Variants in LDB2 observed in about 807,000 individuals in gnomAD.
LDB2 encodes the protein LIM domain binding 2, also known as LIM domain-binding protein 2.
Under a neutral mutation model 44.3 loss-of-function variants are expected in LDB2, and 12 were observed. The observed-to-expected ratio is 0.27, with a 90% CI of 0.17 to 0.44. LDB2 has a LOEUF of 0.44. Ranked by LOEUF, LDB2 falls within the 20% of genes least tolerant of loss-of-function variation. The probability of loss-of-function intolerance (pLI) is 1.00; values close to 1 mark genes in which losing one functional copy is unlikely to be tolerated. For synonymous variants in LDB2, 164 were observed against 174.8 expected, an observed-to-expected ratio of 0.94 and a Z score of 0.49; for missense variants, 344 against 473.5, an observed-to-expected ratio of 0.73 and a Z score of 2.54.
intron 2 of LDB2, among the ~76,000 whole-genome samples, chr4:16,598,638 C>T (rs1051060454): frequency 2.6e-5 from 4 of 152,134 alleles, no homozygotes; most frequent in Admixed American, 6.5e-5. Context: ...CTTTCAACCA[C>T]GCTAGCCACA....
chr4:16,790,693 G>C (rs1775524916), intron 1 of LDB2, among the ~76,000 whole-genome samples: 1 of 152,208 alleles, frequency 6.6e-6, no homozygotes, highest in South Asian at 2.1e-4. Context: ...TAACCGGGAT[G>C]AAAGTGTCAG....
At chr4:16,618,740 G>A (rs536669320) in intron 2 of LDB2, among the ~76,000 whole-genome samples, 186 of 152,262 alleles carry the variant, frequency 1.2e-3, no homozygotes, top group African/African-American at 4.3e-3. Context: ...GGGTTTCCAG[G>A]TGATATGGTG....
intron 1 of LDB2, among the ~76,000 whole-genome samples, chr4:16,880,261 C>A (rs890750834): frequency 1.3e-5 from 2 of 152,114 alleles, no homozygotes; most frequent in Non-Finnish European, 2.9e-5. Context: ...TTCTGGGTGA[C>A]TAAATTAAAT....
chr4:16,663,544 T>C (rs531490240), intron 2 of LDB2, among the ~76,000 whole-genome samples: 15 of 152,338 alleles, frequency 9.8e-5, no homozygotes, highest in African/African-American at 3.6e-4. Flanking sequence ...TGATGACATG[T>C]GCAAATATAA....
chr4:16,801,610 TC>T (rs1390305785), intron 1 of LDB2, among the ~76,000 whole-genome samples: 1 of 152,224 alleles, frequency 6.6e-6, no homozygotes, highest in African/African-American at 2.4e-5. Flanking sequence ...TGATTTCCTT[TC>T]GTTTAACCAC....
At chr4:16,655,896 CTTTTTTTTT>C (rs747097456) in intron 2 of LDB2, among the ~76,000 whole-genome samples, 6 of 93,320 alleles carry the variant, frequency 6.4e-5, no homozygotes, top group African/African-American at 2.2e-4. Flanking sequence ...TGCAAGAAAA[CTTTTTTTTT>C]TTTTTTTTTT....
chr4:16,655,335 C>A (rs1739465446), intron 2 of LDB2, among the ~76,000 whole-genome samples: 2 of 152,098 alleles, frequency 1.3e-5, no homozygotes, highest in African/African-American at 2.4e-5. Flanking sequence ...TACCCAAGGA[C>A]AAGGCACGCT....
chr4:16,763,424 C>T (rs34095114), intron 1 of LDB2, among the ~76,000 whole-genome samples: 3,245 of 96,346 alleles, frequency 0.034, 54 homozygotes, highest in Non-Finnish European at 0.049. Flanking sequence ...CAATCTCCCC[C>T]CATATGTAAA....
At chr4:16,598,107 A>T (rs927249281) in intron 2 of LDB2, among the ~76,000 whole-genome samples, 3 of 152,118 alleles carry the variant, frequency 2.0e-5, no homozygotes, top group Non-Finnish European at 4.4e-5. Flanking sequence ...CCCCAAGTAA[A>T]CCATGACAAT....
intron 1 of LDB2, among the ~76,000 whole-genome samples, chr4:16,856,937 G>GT (rs1789469174): frequency 6.6e-6 from 1 of 152,308 alleles, no homozygotes; most frequent in Non-Finnish European, 1.5e-5. Flanking sequence ...TATTATATTT[G>GT]ATCTGGTTTG....
intron 2 of LDB2, among the ~76,000 whole-genome samples, chr4:16,629,016 C>T (rs1228383784): frequency 6.6e-6 from 1 of 152,168 alleles, no homozygotes; most frequent in Non-Finnish European, 1.5e-5. Flanking sequence ...TGCAGCAGTC[C>T]GTGATGGACC....
chr4:16,898,319 A>C, intron 1 of LDB2, 35 bp downstream of exon 1: 1 of 1,598,090 alleles, frequency 6.3e-7, no homozygotes, highest in Non-Finnish European at 8.6e-7. Context: ...CTTAACAAAA[A>C]TACACAAACA....
chr4:16,882,368 G>A (rs185801969), intron 1 of LDB2, among the ~76,000 whole-genome samples: 1 of 152,260 alleles, frequency 6.6e-6, no homozygotes, highest in African/African-American at 2.4e-5. Context: ...GCTAACAGCA[G>A]AGTTCTTTCT....
Position 16,861,262 on chromosome 4 carries a change from G to C in LDB2, c.132+37092C>G, listed in dbSNP as rs181511581. Among the ~76,000 whole-genome samples the C allele has an allele frequency of 3.5e-4, 54 of 152,192 alleles. 1 individual carries two copies. Among genetic ancestry groups the C allele is most frequent in the African/African-American group, 1.2e-3 (51 of 41,566 alleles). On this transcript the variant is annotated intron_variant, in intron 1 of 7. Transcript: ENST00000304523. ...GTCAGAACCAGCCAGTTATAGCCCT[G>C]AATCACTGCAGGTCAGGGTTTCCCC...
At chr4:16,551,734 C>A (rs1011982405) in intron 5 of LDB2, among the ~76,000 whole-genome samples, 3 of 152,112 alleles carry the variant, frequency 2.0e-5, no homozygotes, top group Non-Finnish European at 2.9e-5. Context: ...CCAGACTGGT[C>A]TCAAACTCCT....
At chr4:16,537,865 T>C (rs1732400419) in intron 5 of LDB2, among the ~76,000 whole-genome samples, 1 of 152,202 alleles carries the variant, frequency 6.6e-6, no homozygotes. Flanking sequence ...CTAAGGTATC[T>C]AAGGTATAGG....
chr4:16,819,008 T>G (rs1256275373), intron 1 of LDB2, among the ~76,000 whole-genome samples: 1 of 152,174 alleles, frequency 6.6e-6, no homozygotes, highest in Non-Finnish European at 1.5e-5. Flanking sequence ...CAACATTTTT[T>G]AAACAAAGTA....
In LDB2 at chr4:16,650,736, C is replaced by T. The variant is rs115909821; in HGVS notation, c.236-54861G>A. Reference sequence around the variant, plus strand: ...ACACCCCCAAGACTACCAGAGCCATCTCAAATGAGGCTCCTGCTGCCATTT... The same window carrying T: ...ACACCCCCAAGACTACCAGAGCCATTTCAAATGAGGCTCCTGCTGCCATTT... On this transcript the variant is annotated intron_variant, in intron 2 of 7. Coordinates refer to ENST00000304523, the MANE Select transcript of LDB2 (RefSeq NM_001290.5). Among the ~76,000 whole-genome samples the T allele has an allele frequency of 1.4e-3, 213 of 152,328 alleles. 1 individual carries two copies. The highest frequency in any genetic ancestry group is 5.0e-3 in the African/African-American group (208 of 41,566).
rs2110315479 is a variant in LDB2 at position 16,867,389 on chromosome 4, G to GT, written c.132+30964_132+30965insA. Among the ~76,000 whole-genome samples the GT allele has an allele frequency of 2.0e-5, 3 of 152,262 alleles. 1 individual carries two copies. In the South Asian group the frequency reaches 6.2e-4, roughly 32 times the overall value. On this transcript the variant is annotated intron_variant, in intron 1 of 7. Coordinates refer to ENST00000304523, the MANE Select transcript of LDB2 (RefSeq NM_001290.5). Reference sequence around the variant, plus strand: ...AATTACCCCCAGAGTATTAATTAAAGGCCCTGCTCAGGGCACTAGAAATAC... The same window carrying GT: ...AATTACCCCCAGAGTATTAATTAAAGTGCCCTGCTCAGGGCACTAGAAATAC...
Sources: allele counts gnomAD v4.1 joint callset (sites outside exome capture counted in the v4.1 genomes callset), GRCh38; gene constraint gnomAD v4.1.1; transcripts MANE v1.5; gene names NCBI Gene and HGNC (gene_info 2026-07-23, HGNC 2026-07-21).